Variants in TAF1B observed in about 807,000 individuals in gnomAD.
TAF1B encodes TATA-box binding protein associated factor, RNA polymerase I subunit B, also known as TATA box-binding protein-associated factor RNA polymerase I subunit B.
Under a neutral mutation model 83.9 loss-of-function variants are expected in TAF1B, and 61 were observed. The observed-to-expected ratio is 0.73, with a 90% CI of 0.59 to 0.90. TAF1B has a LOEUF of 0.90. Ranked by LOEUF, TAF1B falls within the 40% of genes least tolerant of loss-of-function variation. The pLI, the probability that TAF1B is intolerant of heterozygous loss-of-function variation, is 0.00. For synonymous variants in TAF1B, 221 were observed against 224.6 expected, an observed-to-expected ratio of 0.98 and a Z score of 0.14; for missense variants, 625 against 677.0, an observed-to-expected ratio of 0.92 and a Z score of 0.85.
At chr2:9,919,450 T>A (rs1665799396) in intron 13 of TAF1B, 148 bp from the exon 14 acceptor site, 1 of 686,340 alleles carries the variant, frequency 1.5e-6, no homozygotes, top group African/African-American at 1.8e-5. Flanking sequence ...AGTTTCATTT[T>A]CCCTTAACGT....
At chr2:9,928,131 C>G (rs1666100173) in intron 14 of TAF1B, among the ~76,000 whole-genome samples, 1 of 152,148 alleles carries the variant, frequency 6.6e-6, no homozygotes, top group Non-Finnish European at 1.5e-5. Flanking sequence ...ATCGTTTCCC[C>G]ACTTCTTGTT....
chr2:9,881,738 A>G (rs915182552), intron 7 of TAF1B, among the ~76,000 whole-genome samples: 2 of 152,208 alleles, frequency 1.3e-5, no homozygotes, highest in Non-Finnish European at 2.9e-5. Flanking sequence ...TGTTAAATTA[A>G]TGAATCCTAA....
intron 8 of TAF1B, among the ~76,000 whole-genome samples, chr2:9,895,813 C>CT (rs34044860): frequency 0.098 from 11,014 of 112,288 alleles, 589 homozygotes; most frequent in Middle Eastern, 0.17. Context: ...GCACTGCACT[C>CT]TTTTTTTTTT....
intron 12 of TAF1B, among the ~76,000 whole-genome samples, chr2:9,918,368 T>A (rs1665756137): frequency 6.6e-6 from 1 of 152,180 alleles, no homozygotes; most frequent in African/African-American, 2.4e-5. Context: ...CTGGAACTGA[T>A]CACCCTCATC....
intron 11 of TAF1B, among the ~76,000 whole-genome samples, chr2:9,912,201 A>T (rs1204469983): frequency 6.6e-6 from 1 of 152,160 alleles, no homozygotes; most frequent in Non-Finnish European, 1.5e-5. Flanking sequence ...GTACTTTATA[A>T]GTGATAGACA....
chr2:9,897,458 C>A (rs1456744975), intron 8 of TAF1B, among the ~76,000 whole-genome samples: 2 of 152,174 alleles, frequency 1.3e-5, no homozygotes, highest in Non-Finnish European at 2.9e-5. Flanking sequence ...AAAGAGGAAA[C>A]TGGAAATTTG....
intron 2 of TAF1B, chr2:9,846,183 G>C (rs886110170): frequency 2.2e-6 from 1 of 461,378 alleles, no homozygotes; most frequent in Non-Finnish European, 4.5e-6. Context: ...ACCAGGACTT[G>C]AATGTGAGTC....
At chr2:9,911,157 A>G (rs1478691101) in intron 10 of TAF1B, among the ~76,000 whole-genome samples, 2 of 152,170 alleles carry the variant, frequency 1.3e-5, no homozygotes, top group Admixed American at 6.5e-5. Flanking sequence ...TTGTTTGATC[A>G]TGTTTTATAC....
chr2:9,886,717 A>G (rs1490321684), intron 8 of TAF1B, among the ~76,000 whole-genome samples: 10 of 152,362 alleles, frequency 6.6e-5, no homozygotes, highest in East Asian at 1.9e-4. Context: ...GACTGTTTCT[A>G]TAATAGCCAT....
intron 12 of TAF1B, among the ~76,000 whole-genome samples, chr2:9,918,625 G>C (rs1317764379): frequency 6.6e-6 from 1 of 152,226 alleles, no homozygotes; most frequent in Non-Finnish European, 1.5e-5. Flanking sequence ...ACTGTTCACT[G>C]TGTGTAAGTT....
chr2:9,851,177 A>G (rs1663377004), intron 3 of TAF1B, among the ~76,000 whole-genome samples: 1 of 152,214 alleles, frequency 6.6e-6, no homozygotes, highest in Admixed American at 6.5e-5. Flanking sequence ...TGTTCGGGAA[A>G]ATAGACATTT....
At chr2:9,898,164 A>G (rs535968300) in intron 8 of TAF1B, among the ~76,000 whole-genome samples, 1 of 152,006 alleles carries the variant, frequency 6.6e-6, no homozygotes, top group East Asian at 1.9e-4. Context: ...ATCCATAGCA[A>G]TTTCATTAAT....
At chr2:9,930,953 G>A (rs996665156) in intron 14 of TAF1B, among the ~76,000 whole-genome samples, 2 of 152,074 alleles carry the variant, frequency 1.3e-5, no homozygotes, top group African/African-American at 2.4e-5. Flanking sequence ...GATCTTTGTT[G>A]GTTTAAAGTC....
chr2:9,849,937 C>T (rs1663331981), intron 3 of TAF1B, among the ~76,000 whole-genome samples: 1 of 151,878 alleles, frequency 6.6e-6, no homozygotes, highest in African/African-American at 2.4e-5. Flanking sequence ...GGACCAAATC[C>T]CCAAGTTTGA....
intron 6 of TAF1B, among the ~76,000 whole-genome samples, chr2:9,874,456 T>A (rs1664261047): frequency 6.6e-6 from 1 of 152,086 alleles, no homozygotes; most frequent in African/African-American, 2.4e-5. Flanking sequence ...TTTTTTTTTT[T>A]AGAGAAAGTC....
At position 9,933,798 on chromosome 2, in the gene TAF1B, G is replaced by A. The variant is rs754759802; in HGVS notation, c.1581G>A (p.Val527=). The change falls in exon 15 of 15, where the codon GTG becomes GTA. Residue 527 remains valine, a synonymous_variant. Transcript: ENST00000263663. The part of the protein sequence containing the change: ...QKFCRCYCTH[V]TTYEESNYSL... The stretch of plus-strand genomic sequence containing the variant: ...TCCCTTCTAGCTATTGTACACATGT[G>A]ACAACCTATGAAGAATCAAATTATT... The A allele has an allele frequency of 1.2e-6, 2 of 1,611,470 alleles. No individual in the cohort carries two copies. Among genetic ancestry groups the A allele is most frequent in the Admixed American group, 1.7e-5 (1 of 59,384 alleles).
At chr2:9,933,579 G>A (rs1666283064) in intron 14 of TAF1B, among the ~76,000 whole-genome samples, 1 of 152,148 alleles carries the variant, frequency 6.6e-6, no homozygotes, top group Non-Finnish European at 1.5e-5. Flanking sequence ...GCCCTTGTGT[G>A]GTGGCCATGG....
chr2:9,876,128 C>A, intron 7 of TAF1B, 110 bp downstream of exon 7: 1 of 1,158,360 alleles, frequency 8.6e-7, no homozygotes, highest in Non-Finnish European at 1.2e-6. Context: ...GAGGAAGGAA[C>A]TGGAAAGGTT....
chr2:9,884,908 C>T (rs912345114), intron 8 of TAF1B, among the ~76,000 whole-genome samples: 1 of 152,174 alleles, frequency 6.6e-6, no homozygotes, highest in African/African-American at 2.4e-5. Context: ...TAGTGACCCA[C>T]ATTCTAACTC....
Sources: gnomAD v4.1 joint callset for allele counts (sites outside exome capture counted in the v4.1 genomes callset) on GRCh38, gnomAD v4.1.1 for gene constraint, MANE v1.5 for transcripts, NCBI Gene and HGNC (gene_info 2026-07-23, HGNC 2026-07-21) for gene names.